WWC2: variants seen among roughly 807,000 people sequenced by gnomAD.
WWC2 encodes the protein WW and C2 domain containing 2.
WWC2 carries 101 observed loss-of-function variants against 138.5 expected under a neutral mutation model. The ratio of observed to expected loss-of-function variants is 0.73; its 90% confidence interval spans 0.62 to 0.86. The LOEUF (loss-of-function observed/expected upper bound fraction) is 0.86, where lower values mean the gene tolerates loss of function less well. Among genes scored for constraint, WWC2 ranks in the 40% least tolerant of loss-of-function variants. The pLI is 0.00. For synonymous variants in WWC2, 558 were observed against 538.4 expected, an observed-to-expected ratio of 1.04 and a Z score of -0.50; for missense variants, 1,420 against 1,419.4, an observed-to-expected ratio of 1.00 and a Z score of -0.01.
At chr4:183,172,714 T>G (rs2111166355) in intron 1 of WWC2, among the ~76,000 whole-genome samples, 1 of 152,200 alleles carries the variant, frequency 6.6e-6, no homozygotes, top group Admixed American at 6.5e-5. Context: ...GCTAGGTGGG[T>G]CATATATAAT....
chr4:183,305,028 A>G (rs1245429597), intron 21 of WWC2, among the ~76,000 whole-genome samples: 1 of 152,222 alleles, frequency 6.6e-6, no homozygotes, highest in Non-Finnish European at 1.5e-5. Flanking sequence ...GCCAGAACAG[A>G]TGGACATCAT....
intron 14 of WWC2, among the ~76,000 whole-genome samples, chr4:183,268,196 T>TG (rs1163487794): frequency 6.6e-6 from 1 of 152,164 alleles, no homozygotes; most frequent in Non-Finnish European, 1.5e-5. Flanking sequence ...AGCCTGGAAA[T>TG]GGGGGTGGAG....
At chr4:183,102,215 C>T (rs1301121513) in intron 1 of WWC2, among the ~76,000 whole-genome samples, 1 of 152,176 alleles carries the variant, frequency 6.6e-6, no homozygotes, top group East Asian at 1.9e-4. Context: ...CATTTTTCAG[C>T]TCTAAAATGA....
intron 1 of WWC2, among the ~76,000 whole-genome samples, chr4:183,139,041 G>A (rs185596451): frequency 2.0e-5 from 3 of 152,300 alleles, no homozygotes; most frequent in South Asian, 2.1e-4. Flanking sequence ...GCAGTCGATT[G>A]TAGTGGAGGT....
chr4:183,161,848 C>T (rs1733968736), intron 1 of WWC2, among the ~76,000 whole-genome samples: 1 of 152,148 alleles, frequency 6.6e-6, no homozygotes, highest in Non-Finnish European at 1.5e-5. Flanking sequence ...CCACACATTT[C>T]TCAGAATATA....
chr4:183,151,981 C>A (rs1396339363), intron 1 of WWC2, among the ~76,000 whole-genome samples: 1 of 152,074 alleles, frequency 6.6e-6, no homozygotes, highest in Non-Finnish European at 1.5e-5. Flanking sequence ...TTATATAAGC[C>A]TCCATATACA....
Position 183,287,273 on chromosome 4 carries a change from A to G in WWC2, c.3141+1214A>G, listed in dbSNP as rs559128836. ...TGAGATGTGCTAGCATTTATTCAGC[A>G]TTCGTCATTTTCAGGAAATTCTGAA... On this transcript the variant is annotated intron_variant, in intron 20 of 22. Coordinates refer to ENST00000403733, the MANE Select transcript of WWC2 (RefSeq NM_024949.6). Among the ~76,000 whole-genome samples the G allele has an allele frequency of 2.6e-5, 4 of 152,350 alleles. No individual in the cohort carries two copies. The East Asian group carries it at 5.8e-4, about 22-fold the overall frequency.
At chr4:183,230,163 C>T (rs529151677) in intron 4 of WWC2, among the ~76,000 whole-genome samples, 3 of 151,938 alleles carry the variant, frequency 2.0e-5, no homozygotes, top group South Asian at 2.1e-4. Flanking sequence ...GGTCTCGCTA[C>T]GGTACCTAGG....
At chr4:183,190,451 G>A (rs1734959115) in intron 1 of WWC2, among the ~76,000 whole-genome samples, 1 of 151,996 alleles carries the variant, frequency 6.6e-6, no homozygotes, top group Non-Finnish European at 1.5e-5. Context: ...CCATAATTGG[G>A]TACTTAATTT....
chr4:183,277,347 A>G (rs1737894494), intron 16 of WWC2, among the ~76,000 whole-genome samples: 1 of 151,494 alleles, frequency 6.6e-6, no homozygotes, highest in African/African-American at 2.4e-5. Context: ...TCCATGGTGT[A>G]TATGTGCCAC....
intron 2 of WWC2, 25 bp from the exon 3 acceptor site, chr4:183,207,928 A>C (rs1382830211): frequency 6.4e-7 from 1 of 1,571,206 alleles, no homozygotes; most frequent in Admixed American, 1.9e-5. Context: ...AATTCTAAAA[A>C]GTACCCTCCA....
chr4:183,141,509 C>T (rs954741053), intron 1 of WWC2, among the ~76,000 whole-genome samples: 2 of 152,172 alleles, frequency 1.3e-5, no homozygotes, highest in African/African-American at 4.8e-5. Context: ...CAGCACCCTA[C>T]TACCACCCCA....
chr4:183,176,711 C>T (rs1044173188), intron 1 of WWC2, among the ~76,000 whole-genome samples: 3 of 152,176 alleles, frequency 2.0e-5, no homozygotes, highest in African/African-American at 7.2e-5. Context: ...CCGTGAGCCA[C>T]CATGCCCAGC....
chr4:183,212,428 G>A (rs958510411), intron 4 of WWC2, among the ~76,000 whole-genome samples: 6 of 152,030 alleles, frequency 3.9e-5, no homozygotes, highest in African/African-American at 4.8e-5. Flanking sequence ...TCTCTGTACC[G>A]TGTCTATATG....
chr4:183,168,798 A>G (rs1190115104), intron 1 of WWC2, among the ~76,000 whole-genome samples: 1 of 152,218 alleles, frequency 6.6e-6, no homozygotes, highest in Non-Finnish European at 1.5e-5. Context: ...TGAATACAAG[A>G]GTTTTAAAAA....
intron 10 of WWC2, 70 bp downstream of exon 10, chr4:183,259,798 T>G: frequency 9.2e-7 from 1 of 1,084,794 alleles, no homozygotes; most frequent in East Asian, 2.6e-5. Flanking sequence ...CTTTGATTAC[T>G]TTTCACTTTA....
At chr4:183,154,295 G>A (rs914276786) in intron 1 of WWC2, among the ~76,000 whole-genome samples, 4 of 152,118 alleles carry the variant, frequency 2.6e-5, no homozygotes, top group Non-Finnish European at 5.9e-5. Context: ...TTCCTTATCT[G>A]TACAGTAGGG....
chr4:183,207,588 G>A (rs1036902168), intron 2 of WWC2, among the ~76,000 whole-genome samples: 4 of 152,202 alleles, frequency 2.6e-5, no homozygotes, highest in Non-Finnish European at 5.9e-5. Flanking sequence ...TGTGTCTACA[G>A]TCCTGTATTA....
At chr4:183,210,654 T>C (rs1580061079) in intron 4 of WWC2, among the ~76,000 whole-genome samples, 2 of 152,340 alleles carry the variant, frequency 1.3e-5, no homozygotes, top group African/African-American at 4.8e-5. Context: ...TCCCTTGTCC[T>C]GTGAACATCA....
Sources: allele counts gnomAD v4.1 joint callset (sites outside exome capture counted in the v4.1 genomes callset), GRCh38; gene constraint gnomAD v4.1.1; transcripts MANE v1.5; gene names NCBI Gene and HGNC (gene_info 2026-07-23, HGNC 2026-07-21).